The following HCLS1 variants were observed in gnomAD, a reference collection of about 807,000 sequenced individuals.
HCLS1 encodes the protein hematopoietic cell-specific Lyn substrate 1.
In HCLS1, 44 loss-of-function variants were observed where a neutral mutation model predicts 68.6. That is an observed-to-expected ratio of 0.64 (90% confidence interval 0.50 to 0.82). The LOEUF is 0.82. HCLS1 is among the 40% of genes least tolerant of loss of function. The probability of loss-of-function intolerance (pLI) is 0.00; values close to 1 mark genes in which losing one functional copy is unlikely to be tolerated. For synonymous variants in HCLS1, 217 were observed against 225.8 expected, an observed-to-expected ratio of 0.96 and a Z score of 0.35; for missense variants, 602 against 612.1, an observed-to-expected ratio of 0.98 and a Z score of 0.17.
intron 7 of HCLS1, among the ~76,000 whole-genome samples, chr3:121,636,921 CA>C (rs2049155625): frequency 6.6e-6 from 1 of 151,970 alleles, no homozygotes; most frequent in Non-Finnish European, 1.5e-5. Context: ...CCTTCTCTCT[CA>C]CCTCCCTCCT....
At chr3:121,649,667 T>G (rs961263081) in intron 3 of HCLS1, among the ~76,000 whole-genome samples, 1 of 152,224 alleles carries the variant, frequency 6.6e-6, no homozygotes. Context: ...CTAGAAGAGA[T>G]AGAGAGGAAA....
Position 121,636,472 on chromosome 3 carries a change from C to G in HCLS1, c.583G>C (p.Gly195Arg), listed in dbSNP as rs750301674. ...TCCTTCTGGATTCCATACTGGCCAC[C>G]AAAGCCCTTGGCATAATCTGCAGGA... The part of the protein sequence containing the change: ...ESQRDYAKGF[G>R]GQYGIQKDRV... The change falls in exon 8 of 14, where the codon GGT becomes CGT. Residue 195 changes from glycine (G) to arginine (R), a missense_variant. Gly to Arg is a moderately radical substitution (Grantham distance 125, BLOSUM62 -2). Transcript: ENST00000314583. 1.2e-6 allele frequency: 2 copies of G among 1,613,792 alleles called. No homozygotes were observed. The highest frequency in any genetic ancestry group is 1.7e-6 in the Non-Finnish European group (2 of 1,179,708).
At chr3:121,636,403 T>C in intron 8 of HCLS1, 31 bp downstream of exon 8, 1 of 1,574,278 alleles carries the variant, frequency 6.4e-7, no homozygotes, top group Non-Finnish European at 8.7e-7. Flanking sequence ...TAGGGAACTC[T>C]TCTTAAGACA....
chr3:121,634,621 C>A (rs2049132016), intron 9 of HCLS1, among the ~76,000 whole-genome samples: 1 of 152,036 alleles, frequency 6.6e-6, no homozygotes, highest in Non-Finnish European at 1.5e-5. Context: ...TAAAGCCAGG[C>A]TATACGACCT....
intron 6 of HCLS1, among the ~76,000 whole-genome samples, chr3:121,638,312 C>T (rs1209395209): frequency 1.3e-5 from 2 of 152,166 alleles, no homozygotes; most frequent in East Asian, 1.9e-4. Flanking sequence ...ACCCACCCAC[C>T]TCAGCCTCCC....
chr3:121,643,069 G>C, intron 5 of HCLS1, 88 bp from the exon 6 acceptor site: 1 of 1,065,176 alleles, frequency 9.4e-7, no homozygotes, highest in East Asian at 2.4e-5. Context: ...GCCAGCCCCA[G>C]AGGTAGTTTG....
At chr3:121,659,567 C>T (rs2107483285) in intron 1 of HCLS1, among the ~76,000 whole-genome samples, 1 of 152,314 alleles carries the variant, frequency 6.6e-6, no homozygotes, top group South Asian at 2.1e-4. Flanking sequence ...TCTTAAAAAC[C>T]AGCCCAGGGG....
At chr3:121,657,012 A>G (rs745757477) in intron 3 of HCLS1, 34 of 352,994 alleles carry the variant, frequency 9.6e-5, no homozygotes, top group Non-Finnish European at 1.7e-4. Flanking sequence ...AGTTAATCCA[A>G]TAGACCCACT....
chr3:121,642,057 G>A (rs1171806945), intron 6 of HCLS1, among the ~76,000 whole-genome samples: 1 of 140,532 alleles, frequency 7.1e-6, no homozygotes, highest in Non-Finnish European at 1.5e-5. Flanking sequence ...TCCAGCCTGG[G>A]CGACAGAGCC....
chr3:121,651,644 T>C (rs1436377450), intron 3 of HCLS1, among the ~76,000 whole-genome samples: 1 of 152,178 alleles, frequency 6.6e-6, no homozygotes, highest in Non-Finnish European at 1.5e-5. Context: ...GGTCTTGAAC[T>C]CCTGGGCTCA....
chr3:121,656,891 T>G (rs1937885427), intron 3 of HCLS1: 1 of 164,146 alleles, frequency 6.1e-6, no homozygotes, highest in African/African-American at 2.4e-5. Context: ...TACATTTATC[T>G]GAAGAGATAG....
Position 121,636,446 on chromosome 3 carries a change from G to C in HCLS1, c.609C>G (p.Asp203Glu), listed in dbSNP as rs143408084. 16 of 1,613,356 alleles carry C rather than the reference G, an allele frequency of 9.9e-6. No individual in the cohort carries two copies. Among genetic ancestry groups the C allele is most frequent in the Non-Finnish European group, 1.4e-5 (16 of 1,179,312 alleles). Residue 203 changes from aspartate to glutamate, a missense_variant, in exon 8 of 14, where the codon GAC becomes GAG. Transcript: ENST00000314583. ...GFGGQYGIQK[D>E]RVDKSAVGFN... ...TCCGGTGCTTTACCTTATCCACTCGGTCCTTCTGGATTCCATACTGGCCAC... is the reference window on the plus strand; with the variant it reads ...TCCGGTGCTTTACCTTATCCACTCGCTCCTTCTGGATTCCATACTGGCCAC...
In HCLS1 at chr3:121,634,311, C is replaced by G. The variant is rs780986542; in HGVS notation, c.799G>C (p.Glu267Gln). Residue 267 changes from glutamate to glutamine, a missense_variant, in exon 10 of 14, where the codon GAG becomes CAG. Coordinates refer to ENST00000314583, the MANE Select transcript of HCLS1 (RefSeq NM_005335.6). ...KAQQVARRQQ[E>Q]RKAVTKRSPE... ...CTCCTCTTTGTCACAGCCTTTCGCT[C>G]CTGTTGCCTCCTGGCCACCTGCTGT... 1 of 1,614,158 alleles carries G rather than the reference C, an allele frequency of 6.2e-7. No individual in the cohort carries two copies. Among genetic ancestry groups the G allele is most frequent in the Non-Finnish European group, 8.5e-7 (1 of 1,180,026 alleles).
At chr3:121,634,584 G>A (rs1373813207) in intron 9 of HCLS1, among the ~76,000 whole-genome samples, 166 bp from the exon 10 acceptor site, 1 of 152,152 alleles carries the variant, frequency 6.6e-6, no homozygotes, top group Non-Finnish European at 1.5e-5. Flanking sequence ...ATAGGAGGAT[G>A]GCATAGCCCT....
chr3:121,633,562 A>G (rs1196399714), intron 10 of HCLS1, among the ~76,000 whole-genome samples: 1 of 150,640 alleles, frequency 6.6e-6, no homozygotes, highest in African/African-American at 2.4e-5. Context: ...ATTTTTTGAG[A>G]CAGGGTCTCA....
intron 3 of HCLS1, among the ~76,000 whole-genome samples, chr3:121,652,300 TTA>T (rs1367337062): frequency 2.0e-5 from 3 of 151,958 alleles, no homozygotes; most frequent in African/African-American, 7.3e-5. Flanking sequence ...GGTGGTTATA[TTA>T]TATATATATA....
At chr3:121,637,673 T>C (rs1327524221) in intron 6 of HCLS1, among the ~76,000 whole-genome samples, 1 of 152,146 alleles carries the variant, frequency 6.6e-6, no homozygotes, top group Non-Finnish European at 1.5e-5. Flanking sequence ...ACGGTGCTCA[T>C]GCCTGTAATC....
In HCLS1 at chr3:121,637,168, C is replaced by T. The variant is rs762602757; in HGVS notation, c.543G>A (p.Thr181=). Reference sequence around the variant, plus strand: ...CACCTCTCTGGGACTCGTGTTTCTCCGTCTCTCCCTTGTAGTCATATCCCA... The same window carrying T: ...CACCTCTCTGGGACTCGTGTTTCTCTGTCTCTCCCTTGTAGTCATATCCCA... ...AALGYDYKGE[T]EKHESQRDYA... Residue 181 remains threonine (T), a synonymous_variant, in exon 7 of 14, where the codon ACG becomes ACA. Transcript: ENST00000314583. 356 of 1,612,962 alleles carry T rather than the reference C, an allele frequency of 2.2e-4. 2 individuals are homozygous for T. The highest frequency in any genetic ancestry group is 1.3e-3 in the East Asian group (60 of 44,854).
chr3:121,633,617 A>C (rs2049120762), intron 10 of HCLS1, among the ~76,000 whole-genome samples: 1 of 152,136 alleles, frequency 6.6e-6, no homozygotes, highest in Admixed American at 6.5e-5. Flanking sequence ...AGCTCACTGT[A>C]GCCTCAAACT....
Sources: allele counts gnomAD v4.1 joint callset (sites outside exome capture counted in the v4.1 genomes callset), GRCh38; gene constraint gnomAD v4.1.1; transcripts MANE v1.5; gene names NCBI Gene and HGNC (gene_info 2026-07-23, HGNC 2026-07-21).